Variants in FBXL13 observed in about 807,000 individuals in gnomAD.
FBXL13 encodes F-box and leucine-rich repeat protein 13.
In FBXL13, 67 loss-of-function variants were observed where a neutral mutation model predicts 83.6. The ratio of observed to expected loss-of-function variants is 0.80; its 90% CI spans 0.66 to 0.98. FBXL13 has a LOEUF of 0.98. FBXL13 is among the 50% of genes least tolerant of loss of function. The pLI is 0.00. For missense variants in FBXL13, 822 were observed against 866.5 expected (o/e 0.95, Z 0.64); for synonymous variants, 272 against 299.5 (o/e 0.91, Z 0.95).
chr7:102,978,775 G>C (rs1827826654), intron 6 of FBXL13: 1 of 153,850 alleles, frequency 6.5e-6, no homozygotes, highest in Admixed American at 6.5e-5. Flanking sequence ...ATCTCACAAA[G>C]AGGGTGACTA....
At chr7:102,828,183 A>G (rs1800068553) in intron 18 of FBXL13, among the ~76,000 whole-genome samples, 1 of 152,088 alleles carries the variant, frequency 6.6e-6, no homozygotes. Flanking sequence ...CAGTATGGCC[A>G]TTTTCACAAT....
At chr7:102,819,470 C>T (rs1226122506) in intron 19 of FBXL13, among the ~76,000 whole-genome samples, 2 of 152,136 alleles carry the variant, frequency 1.3e-5, no homozygotes, top group African/African-American at 4.8e-5. Context: ...TCCTCTGGTT[C>T]AGAAAGGGTG....
chr7:102,931,819 G>T, intron 9 of FBXL13, 62 bp downstream of exon 10: 1 of 1,475,088 alleles, frequency 6.8e-7, no homozygotes, highest in Non-Finnish European at 9.4e-7. Flanking sequence ...TCTGCATATT[G>T]GCACCCCAAT....
At chr7:103,015,411 AGACAATAT>A (rs1491001708) in intron 6 of FBXL13, among the ~76,000 whole-genome samples, 4 of 152,246 alleles carry the variant, frequency 2.6e-5, no homozygotes, top group African/African-American at 9.6e-5. Context: ...CCCTGTTTGC[AGACAATAT>A]GATTCTATAC....
intron 8 of FBXL13, among the ~76,000 whole-genome samples, chr7:102,957,247 T>G (rs545266461): frequency 6.6e-6 from 1 of 152,206 alleles, no homozygotes; most frequent in African/African-American, 2.4e-5. Flanking sequence ...TACAACCATC[T>G]GATCTTTGAC....
chr7:103,025,142 C>A, exon 6 of FBXL13: 1 of 1,612,050 alleles, frequency 6.2e-7, no homozygotes, highest in East Asian at 2.2e-5. Context: ...AGAAGAACTT[C>A]GTTCAGGAAA....
chr7:103,000,753 A>G (rs935974485), intron 6 of FBXL13, among the ~76,000 whole-genome samples: 2 of 152,200 alleles, frequency 1.3e-5, no homozygotes, highest in Non-Finnish European at 2.9e-5. Context: ...TTTGCTTTAC[A>G]TATCTGAATG....
intron 11 of FBXL13, 84 bp downstream of exon 12, chr7:102,913,002 T>C: frequency 6.4e-7 from 1 of 1,570,474 alleles, no homozygotes; most frequent in Non-Finnish European, 8.7e-7. Context: ...TGCACAGCAT[T>C]AGTATAACGT....
At chr7:102,889,300 G>C (rs759504946) in intron 11 of FBXL13, among the ~76,000 whole-genome samples, 1 of 152,220 alleles carries the variant, frequency 6.6e-6, no homozygotes, top group African/African-American at 2.4e-5. Flanking sequence ...ATGAATGAAT[G>C]AATGGATTAT....
chr7:102,991,161 T>A (rs953946897), intron 6 of FBXL13, among the ~76,000 whole-genome samples: 10 of 152,138 alleles, frequency 6.6e-5, no homozygotes, highest in Non-Finnish European at 8.8e-5. Flanking sequence ...TGAAATTACA[T>A]GCTAAAAAGA....
intron 11 of FBXL13, among the ~76,000 whole-genome samples, chr7:102,912,587 A>T (rs1814890393): frequency 6.7e-6 from 1 of 149,896 alleles, no homozygotes; most frequent in African/African-American, 2.5e-5. Flanking sequence ...TCTTCATGTT[A>T]TTCAGCCCAA....
chr7:102,944,301 T>G (rs769554612), intron 8 of FBXL13: 1 of 1,614,052 alleles, frequency 6.2e-7, no homozygotes, highest in Non-Finnish European at 8.5e-7. Context: ...AAGACTTGTA[T>G]TTTTTGAAAC....
chr7:102,906,113 A>G (rs937663759), intron 11 of FBXL13, among the ~76,000 whole-genome samples: 2 of 152,152 alleles, frequency 1.3e-5, no homozygotes, highest in African/African-American at 4.8e-5. Flanking sequence ...AAACCATCAG[A>G]TCTTGTGAGA....
chr7:103,047,037 G>A (rs1796349535), intron 2 of FBXL13: 1 of 152,140 alleles, frequency 6.6e-6, no homozygotes, highest in Admixed American at 6.5e-5. Context: ...AAAATATACT[G>A]TGGCGTAATA....
At chr7:102,952,278 A>G (rs1200135691) in intron 8 of FBXL13, among the ~76,000 whole-genome samples, 1 of 152,216 alleles carries the variant, frequency 6.6e-6, no homozygotes, top group Non-Finnish European at 1.5e-5. Context: ...ATCAGTGATG[A>G]TGGTTGCATA....
chr7:102,899,011 G>C (rs77227356), intron 11 of FBXL13, among the ~76,000 whole-genome samples: 3 of 152,140 alleles, frequency 2.0e-5, no homozygotes, highest in African/African-American at 7.2e-5. Flanking sequence ...CCATCTTCGG[G>C]TTCAAGCGAT....
At chr7:102,973,960 C>T (rs1585200041) in intron 6 of FBXL13, among the ~76,000 whole-genome samples, 1 of 152,206 alleles carries the variant, frequency 6.6e-6, no homozygotes. Context: ...GCAGCGGTGA[C>T]GATCGCTCCT....
intron 1 of FBXL13, among the ~76,000 whole-genome samples, chr7:103,063,712 C>CTTTTTT (rs34739663): frequency 3.1e-4 from 32 of 101,726 alleles, no homozygotes; most frequent in Non-Finnish European, 4.2e-4. Flanking sequence ...CAAACTTAGG[C>CTTTTTT]TTTTTTTTTT....
At chr7:103,018,503 G>T (rs995534255) in intron 6 of FBXL13, among the ~76,000 whole-genome samples, 2 of 152,276 alleles carry the variant, frequency 1.3e-5, no homozygotes, top group Non-Finnish European at 1.5e-5. Flanking sequence ...TGGGCTAAAT[G>T]CTCCAATTAA....
Sources: gnomAD v4.1 joint callset for allele counts (sites outside exome capture counted in the v4.1 genomes callset) on GRCh38, gnomAD v4.1.1 for gene constraint, MANE v1.5 for transcripts, NCBI Gene and HGNC (gene_info 2026-07-23, HGNC 2026-07-21) for gene names.